The following AHCYL2 variants were observed in gnomAD, a reference collection of about 807,000 sequenced individuals.
AHCYL2 encodes the protein S-adenosylhomocysteine hydrolase-like protein 2.
Under a neutral mutation model 81.4 loss-of-function variants are expected in AHCYL2, and 28 were observed. That is an observed-to-expected ratio of 0.34 (90% CI 0.25 to 0.47). The LOEUF is 0.47. Among genes scored for constraint, AHCYL2 ranks in the 20% least tolerant of loss-of-function variants. AHCYL2 has a pLI of 1.00. For synonymous variants in AHCYL2, 272 were observed against 290.2 expected (o/e 0.94, Z 0.64); for missense variants, 551 against 785.1 (o/e 0.70, Z 3.56).
chr7:129,289,639 G>T lies in AHCYL2; in HGVS notation c.363+64200G>T, dbSNP rs185548798. Among the ~76,000 whole-genome samples, 520 of 152,134 alleles carry T rather than the reference G, an allele frequency of 3.4e-3. 2 individuals carry two copies. Among genetic ancestry groups the T allele is most frequent in the African/African-American group, 0.012 (488 of 41,476 alleles). On this transcript the variant is annotated intron_variant, in intron 1 of 16. Transcript: ENST00000325006. ...TACCAATTTTCAGAATACTGTATTG[G>T]TTCACTAGCATTCTCCAATTAGGCA...
chr7:129,405,386 G>T, intron 8 of AHCYL2, 173 bp downstream of exon 8: 3 of 430,068 alleles, frequency 7.0e-6, no homozygotes, highest in Non-Finnish European at 1.2e-5. Context: ...TTTCTCCTTT[G>T]TATCTTTTCT....
intron 2 of AHCYL2, 84 bp downstream of exon 2, chr7:129,379,833 T>A: frequency 9.8e-7 from 1 of 1,024,632 alleles, no homozygotes; most frequent in Non-Finnish European, 1.4e-6. Context: ...CAAGGCTAAT[T>A]AAGCATGACC....
At chr7:129,423,003 C>T (rs1291268495) in intron 13 of AHCYL2, 65 bp downstream of exon 13, 1 of 1,371,368 alleles carries the variant, frequency 7.3e-7, no homozygotes, top group Non-Finnish European at 1.0e-6. Flanking sequence ...CAGGTCCCCT[C>T]CTCCTCATGT....
intron 1 of AHCYL2, among the ~76,000 whole-genome samples, chr7:129,236,509 T>C (rs978410754): frequency 6.6e-6 from 1 of 152,014 alleles, no homozygotes; most frequent in Non-Finnish European, 1.5e-5. Flanking sequence ...CCCAGCTAAT[T>C]TCTGTGTTTT....
rs894752850 is a variant in AHCYL2, at chr7:129,343,838, A to C, written c.364-35800A>C. 6.6e-5 allele frequency among the ~76,000 whole-genome samples: 10 copies of C among 152,326 alleles called. No individual in the cohort carries two copies. The East Asian group carries it at 1.5e-3, about 23-fold the overall frequency. On this transcript the variant is annotated intron_variant, in intron 1 of 16. Coordinates refer to ENST00000325006, the MANE Select transcript of AHCYL2 (RefSeq NM_015328.4). ...TTAGAAACTTCTATTCAAAAGACAC[A>C]GGTAAGTAAATAAAAAGGCAAGCAC...
At chr7:129,251,317 ATT>A (rs3042851) in intron 1 of AHCYL2, among the ~76,000 whole-genome samples, 19,731 of 119,076 alleles carry the variant, frequency 0.17, 1,725 homozygotes, top group East Asian at 0.31. Context: ...GATAGTAAAG[ATT>A]TTTTTTTTTT....
At chr7:129,378,560 T>C (rs1794802760) in intron 1 of AHCYL2, among the ~76,000 whole-genome samples, 1 of 152,222 alleles carries the variant, frequency 6.6e-6, no homozygotes, top group African/African-American at 2.4e-5. Flanking sequence ...TGAGACTCAC[T>C]AAAGCATCTT....
chr7:129,410,143 A>C, intron 11 of AHCYL2: 2 of 1,591,594 alleles, frequency 1.3e-6, no homozygotes, highest in Non-Finnish European at 1.7e-6. Context: ...ATTGAGATGA[A>C]CGATTATTGG....
chr7:129,244,204 A>G (rs1426318120), intron 1 of AHCYL2, among the ~76,000 whole-genome samples: 2 of 146,330 alleles, frequency 1.4e-5, no homozygotes, highest in South Asian at 2.2e-4. Context: ...GAGTCTTGCT[A>G]TGTTGCCCAG....
rs1164508478 is a variant in AHCYL2, at chr7:129,425,047, C to T, written c.1630-16C>T. The T allele has an allele frequency of 6.2e-7, 1 of 1,613,772 alleles. No individual in the cohort carries two copies. The highest frequency in any genetic ancestry group is 8.5e-7 in the Non-Finnish European group (1 of 1,179,792). ...CCATGAATGGCACATCAGCATCCAT[C>T]TCTCTGCTTTTCTAGGCTCTTGCCT... On this transcript the variant is annotated splice_polypyrimidine_tract_variant and intron_variant, in intron 14 of 16. Coordinates refer to ENST00000325006, the MANE Select transcript of AHCYL2 (RefSeq NM_015328.4).
chr7:129,405,918 T>G lies in AHCYL2; in HGVS notation c.1206+19T>G, dbSNP rs202193280. On this transcript the variant is annotated intron_variant, in intron 9 of 16. Transcript: ENST00000325006. ...TGGAGAGGTGAAGTTTAACCTTTTG[T>G]TTATTAGGTGTTTTAAATGGATTTT... The G allele has an allele frequency of 5.8e-5, 94 of 1,608,182 alleles. No individual in the cohort carries two copies. The highest frequency in any genetic ancestry group is 7.1e-5 in the Non-Finnish European group (84 of 1,176,722).
At chr7:129,359,699 T>C (rs939753135) in intron 1 of AHCYL2, among the ~76,000 whole-genome samples, 4 of 152,196 alleles carry the variant, frequency 2.6e-5, no homozygotes, top group Admixed American at 2.6e-4. Context: ...AAGCTTGACT[T>C]TTCTTTGAGA....
At chr7:129,376,752 G>C (rs532704907) in intron 1 of AHCYL2, among the ~76,000 whole-genome samples, 1 of 152,316 alleles carries the variant, frequency 6.6e-6, no homozygotes, top group African/African-American at 2.4e-5. Flanking sequence ...GGGTTGTGTT[G>C]AGCATCTGAA....
At chr7:129,266,723 A>G (rs573134594) in intron 1 of AHCYL2, among the ~76,000 whole-genome samples, 1 of 152,338 alleles carries the variant, frequency 6.6e-6, no homozygotes, top group South Asian at 2.1e-4. Context: ...GGGGCAATCC[A>G]AAGCTGAATA....
intron 1 of AHCYL2, among the ~76,000 whole-genome samples, chr7:129,324,131 C>T (rs1006071514): frequency 2.6e-5 from 4 of 152,132 alleles, no homozygotes; most frequent in Non-Finnish European, 5.9e-5. Flanking sequence ...GATCCACCCG[C>T]CTTGGTGTCC....
intron 1 of AHCYL2, among the ~76,000 whole-genome samples, chr7:129,341,284 T>C (rs1003238786): frequency 6.6e-6 from 1 of 152,088 alleles, no homozygotes; most frequent in Admixed American, 6.6e-5. Flanking sequence ...AACACAAATA[T>C]ATGGAGAAAC....
chr7:129,281,226 G>A (rs943528957), intron 1 of AHCYL2, among the ~76,000 whole-genome samples: 2 of 151,912 alleles, frequency 1.3e-5, no homozygotes, highest in African/African-American at 2.4e-5. Context: ...ACTTGATTGT[G>A]ATGTATTCTT....
intron 1 of AHCYL2, among the ~76,000 whole-genome samples, chr7:129,329,142 A>G (rs1798329260): frequency 6.6e-6 from 1 of 152,134 alleles, no homozygotes; most frequent in African/African-American, 2.4e-5. Context: ...ATGAGAGAAT[A>G]CCTTGCAGGA....
At chr7:129,230,745 G>A (rs1254595446) in intron 1 of AHCYL2, among the ~76,000 whole-genome samples, 1 of 150,720 alleles carries the variant, frequency 6.6e-6, no homozygotes, top group East Asian at 2.0e-4. Flanking sequence ...GCTAATTTTT[G>A]TATTTTTAGT....
Sources: allele counts gnomAD v4.1 joint callset (sites outside exome capture counted in the v4.1 genomes callset), GRCh38; gene constraint gnomAD v4.1.1; transcripts MANE v1.5; gene names NCBI Gene and HGNC (gene_info 2026-07-23, HGNC 2026-07-21).